Variants in ZFHX4 observed in about 807,000 individuals in gnomAD.
The protein encoded by ZFHX4 is zinc finger homeobox 4, also known as zinc finger homeobox protein 4.
A neutral mutation model predicts 267.6 loss-of-function variants in ZFHX4; 56 were observed. The observed-to-expected ratio is 0.21, with a 90% CI of 0.17 to 0.26. ZFHX4 has a LOEUF of 0.26. ZFHX4 is among the 10% of genes least tolerant of loss of function. The probability of loss-of-function intolerance (pLI) is 1.00; values close to 1 mark genes in which losing one functional copy is unlikely to be tolerated. For synonymous variants in ZFHX4, 1,778 were observed against 1,665.6 expected (o/e 1.07, Z -1.64); for missense variants, 4,332 against 4,420.0 (o/e 0.98, Z 0.56).
At chr8:76,691,404 A>G (rs4735736) in intron 1 of ZFHX4, among the ~76,000 whole-genome samples, 33,886 of 152,052 alleles carry the variant, frequency 0.22, 7,083 homozygotes, top group African/African-American at 0.54. Context: ...CAAGAACAAC[A>G]CTTCAATTCC....
At chr8:76,803,764 G>A (rs1485143349) in intron 4 of ZFHX4, among the ~76,000 whole-genome samples, 1 of 152,052 alleles carries the variant, frequency 6.6e-6, no homozygotes, top group Non-Finnish European at 1.5e-5. Flanking sequence ...TTCAACATCA[G>A]TAGGGATATT....
chr8:76,781,788 T>A (rs1188889201), intron 4 of ZFHX4, among the ~76,000 whole-genome samples: 1 of 152,060 alleles, frequency 6.6e-6, no homozygotes, highest in Non-Finnish European at 1.5e-5. Flanking sequence ...GAGAGATTTG[T>A]TTGGTAATAT....
At chr8:76,691,276 G>T (rs189202441) in intron 1 of ZFHX4, among the ~76,000 whole-genome samples, 5 of 152,116 alleles carry the variant, frequency 3.3e-5, no homozygotes, top group African/African-American at 9.6e-5. Context: ...ATATTTTTGT[G>T]TTAAGTAGGA....
intron 4 of ZFHX4, among the ~76,000 whole-genome samples, chr8:76,828,429 G>C (rs1318338588): frequency 1.3e-5 from 2 of 152,158 alleles, no homozygotes; most frequent in Non-Finnish European, 2.9e-5. Context: ...TTTAGAAAAA[G>C]TTAAACTGTC....
At chr8:76,785,599 G>A (rs1053807110) in intron 4 of ZFHX4, among the ~76,000 whole-genome samples, 8 of 152,108 alleles carry the variant, frequency 5.3e-5, no homozygotes, top group Admixed American at 4.6e-4. Context: ...CATTGGGTAG[G>A]TTTGTGACCA....
chr8:76,754,917 C>T (rs1809723521), intron 3 of ZFHX4, among the ~76,000 whole-genome samples: 1 of 152,154 alleles, frequency 6.6e-6, no homozygotes, highest in African/African-American at 2.4e-5. Context: ...TTAGCTCCCA[C>T]ATATGAGTGA....
At chr8:76,821,686 G>A (rs1811653038) in intron 4 of ZFHX4, among the ~76,000 whole-genome samples, 1 of 152,184 alleles carries the variant, frequency 6.6e-6, no homozygotes, top group South Asian at 2.1e-4. Flanking sequence ...TACATTCCCT[G>A]TAGGGAACTG....
At chr8:76,774,761 A>G (rs528218693) in intron 3 of ZFHX4, among the ~76,000 whole-genome samples, 269 of 152,242 alleles carry the variant, frequency 1.8e-3, no homozygotes, top group African/African-American at 6.3e-3. Flanking sequence ...AGTATTTTAG[A>G]AATTTGAAAA....
chr8:76,842,058 G>T (rs1477514520), intron 5 of ZFHX4, among the ~76,000 whole-genome samples: 1 of 152,054 alleles, frequency 6.6e-6, no homozygotes, highest in Non-Finnish European at 1.5e-5. Context: ...GGGGTGATGT[G>T]GTTGTCATAG....
At chr8:76,786,293 T>G (rs1810687106) in intron 4 of ZFHX4, among the ~76,000 whole-genome samples, 1 of 151,756 alleles carries the variant, frequency 6.6e-6, no homozygotes, top group Non-Finnish European at 1.5e-5. Flanking sequence ...CTCGTCATTT[T>G]GTTCTTTCTT....
intron 3 of ZFHX4, among the ~76,000 whole-genome samples, chr8:76,737,668 A>G (rs1026453935): frequency 4.6e-5 from 7 of 152,214 alleles, no homozygotes; most frequent in African/African-American, 1.4e-4. Context: ...ATTACATATG[A>G]TAATGTTATC....
Position 76,854,970 on chromosome 8 carries a change from G to A in ZFHX4, c.8049G>A (p.Leu2683=). ...SHKRCPFCRA[L]FKAKSALESH... ...AACGGTGTCCGTTTTGCCGAGCCCT[G>A]TTTAAAGCAAAGTCGGCCTTAGAAA... Residue 2683 remains leucine (L), a synonymous_variant, in exon 10 of 11, where the codon CTG becomes CTA. Transcript: ENST00000651372. 3 of 1,613,972 alleles carry A rather than the reference G, an allele frequency of 1.9e-6. No homozygotes were observed. Among genetic ancestry groups the A allele is most frequent in the Non-Finnish European group, 2.5e-6 (3 of 1,179,878 alleles).
chr8:76,724,742 T>A (rs997272965), intron 3 of ZFHX4, among the ~76,000 whole-genome samples: 1 of 152,128 alleles, frequency 6.6e-6, no homozygotes, highest in Non-Finnish European at 1.5e-5. Flanking sequence ...ATCCACTTCC[T>A]TTGTACATGA....
rs868361348 is a variant in ZFHX4, at chr8:76,704,472, A to C, written c.384A>C (p.Thr128=). 3 of 1,613,990 alleles carry C rather than the reference A, an allele frequency of 1.9e-6. No homozygotes were observed. The highest frequency in any genetic ancestry group is 2.2e-5 in the East Asian group (1 of 44,882). Residue 128 remains threonine (T), a synonymous_variant, in exon 2 of 11, where the codon ACA becomes ACC. Transcript: ENST00000651372. ...ELEDSDVENL[T]GEIVYQPDGS... ...AGGACAGTGACGTGGAAAATCTAAC[A>C]GGGGAGATCGTTTACCAGCCTGATG...
chr8:76,735,389 A>C (rs1809131964), intron 3 of ZFHX4, among the ~76,000 whole-genome samples: 1 of 152,140 alleles, frequency 6.6e-6, no homozygotes, highest in Admixed American at 6.6e-5. Flanking sequence ...AACCATGGAA[A>C]AAAGCTCATC....
At chr8:76,763,232 G>A (rs1283604866) in intron 3 of ZFHX4, among the ~76,000 whole-genome samples, 3 of 134,532 alleles carry the variant, frequency 2.2e-5, no homozygotes, top group African/African-American at 1.0e-4. Context: ...GGCTGTTCCC[G>A]TCTGATAGCT....
In ZFHX4 at chr8:76,835,227, A is replaced by ATATATATATATGTATATATATGTG. The variant is rs1554572148; in HGVS notation, c.3394+1832_3394+1833insGTATATATATGTGTATATATATAT. Among the ~76,000 whole-genome samples the ATATATATATATGTATATATATGTG allele has an allele frequency of 3.7e-3, 219 of 59,082 alleles. 6 individuals carry two copies. The highest frequency in any genetic ancestry group is 0.019 in the African/African-American group (205 of 10,778). 38.8% of individuals were successfully genotyped at this position (59,082 alleles called of 152,430 possible). A position where few individuals can be genotyped will look rare whatever the true frequency, so the allele number is the denominator to read the frequency against. ...CTTTGGTGTATATATATGTATATAT[A>ATATATATATATGTATATATATGTG]TATATATATATATGTATATATATAT... On this transcript the variant is annotated intron_variant, in intron 5 of 10. Transcript: ENST00000651372.
chr8:76,744,488 C>T (rs1294607649), intron 3 of ZFHX4, among the ~76,000 whole-genome samples: 2 of 152,030 alleles, frequency 1.3e-5, no homozygotes, highest in Non-Finnish European at 2.9e-5. Flanking sequence ...TCTCAGCTCA[C>T]GGCAACCTAC....
At chr8:76,799,070 T>C (rs1811054589) in intron 4 of ZFHX4, among the ~76,000 whole-genome samples, 1 of 152,198 alleles carries the variant, frequency 6.6e-6, no homozygotes, top group African/African-American at 2.4e-5. Flanking sequence ...CAAGGCAATG[T>C]TCCAAATGAA....
Sources: allele counts gnomAD v4.1 joint callset (sites outside exome capture counted in the v4.1 genomes callset), GRCh38; gene constraint gnomAD v4.1.1; transcripts MANE v1.5; gene names NCBI Gene and HGNC (gene_info 2026-07-23, HGNC 2026-07-21).